FAM20C: variants seen among roughly 807,000 people sequenced by gnomAD.
The protein encoded by FAM20C is FAM20C golgi associated secretory pathway kinase.
In FAM20C, 40 loss-of-function variants were observed where a neutral mutation model predicts 51.5. The ratio of observed to expected loss-of-function variants is 0.78; its 90% CI spans 0.60 to 1.01. FAM20C has a LOEUF of 1.01. Ranked by LOEUF, FAM20C falls within the 50% of genes least tolerant of loss-of-function variation. FAM20C has a pLI of 0.00. For missense variants in FAM20C, 861 were observed against 844.7 expected (o/e 1.02, Z -0.24); for synonymous variants, 406 against 380.6 (o/e 1.07, Z -0.78).
intron 3 of FAM20C, among the ~76,000 whole-genome samples, chr7:217,082 C>G (rs1333038945): frequency 6.6e-6 from 1 of 152,166 alleles, no homozygotes; most frequent in African/African-American, 2.4e-5. Flanking sequence ...CAGATGCCTC[C>G]TCTACCGAGC....
In FAM20C at chr7:256,185, T is replaced by C. The variant is rs74203528; in HGVS notation, c.1253+156T>C. On this transcript the variant is annotated intron_variant, in intron 6 of 9. Transcript: ENST00000313766. Reference sequence around the variant, plus strand: ...CCTGTGTGAGATGACCGCTTCCTGATGAGACGGTGGCAGAGGGCGTCCTTA... The same window carrying C: ...CCTGTGTGAGATGACCGCTTCCTGACGAGACGGTGGCAGAGGGCGTCCTTA... The C allele has an allele frequency of 0.61, 593,769 of 977,986 alleles. 182,384 individuals are homozygous for C. Among genetic ancestry groups the C allele is most frequent in the African/African-American group, 0.71 (43,221 of 60,788 alleles). 60.6% of individuals were successfully genotyped at this position (977,986 alleles called of 1,614,324 possible).
intron 1 of FAM20C, 83 bp from the exon 2 acceptor site, chr7:195,471 C>T (rs1785813318): frequency 1.6e-6 from 2 of 1,288,398 alleles, no homozygotes; most frequent in South Asian, 4.2e-5. Flanking sequence ...GTTAAAAACA[C>T]TGGCGTCGGT....
intron 1 of FAM20C, 149 bp from the exon 2 acceptor site, chr7:195,405 A>T: frequency 4.9e-6 from 3 of 617,588 alleles, no homozygotes; most frequent in Non-Finnish European, 7.4e-6. Flanking sequence ...CAGACGTTGC[A>T]GGGCCCTCTT....
chr7:215,319 T>G (rs1286904841), intron 3 of FAM20C, among the ~76,000 whole-genome samples: 3 of 4,034 alleles, frequency 7.4e-4, no homozygotes, highest in African/African-American at 2.6e-3. Flanking sequence ...TGGGGCTGGG[T>G]GGGGGGGGCA....
At position 255,894 on chromosome 7, in the gene FAM20C, C is replaced by T. The variant is rs775983050; in HGVS notation, c.1118C>T (p.Thr373Met). The change falls in exon 6 of 10, where the codon ACG becomes ATG. Residue 373 changes from threonine to methionine, a missense_variant. By Grantham distance (81) the Thr-to-Met change is moderately conservative. Transcript: ENST00000313766. Reference protein sequence around the residue: ...FYGECSYYCSTEHALCGKPDQ... With the variant: ...FYGECSYYCSMEHALCGKPDQ... ...GGCGAGTGTTCCTACTACTGCTCCACGGAGCACGCCCTGTGCGGGAAGCCA... is the reference window on the plus strand; with the variant it reads ...GGCGAGTGTTCCTACTACTGCTCCATGGAGCACGCCCTGTGCGGGAAGCCA... 1.2e-5 allele frequency: 19 copies of T among 1,536,308 alleles called. No homozygotes were observed. The highest frequency in any genetic ancestry group is 8.2e-5 in the African/African-American group (6 of 73,040).
chr7:252,765 A>C (rs1263305775), intron 5 of FAM20C, among the ~76,000 whole-genome samples: 1 of 152,250 alleles, frequency 6.6e-6, no homozygotes. Flanking sequence ...GCTCAGGTTC[A>C]GAGAGGGCAA....
At chr7:240,737 C>T (rs927004360) in intron 3 of FAM20C, among the ~76,000 whole-genome samples, 5 of 152,022 alleles carry the variant, frequency 3.3e-5, no homozygotes, top group African/African-American at 1.2e-4. Context: ...CCCTGGGGCC[C>T]TCTCCCCTTG....
At chr7:205,901 G>A (rs1334418172) in intron 2 of FAM20C, among the ~76,000 whole-genome samples, 1 of 152,062 alleles carries the variant, frequency 6.6e-6, no homozygotes, top group Admixed American at 6.5e-5. Flanking sequence ...CTGAGACCTC[G>A]GTTCCTCTGG....
intron 3 of FAM20C, among the ~76,000 whole-genome samples, chr7:223,045 G>A (rs112812288): frequency 2.5e-3 from 8 of 3,170 alleles, no homozygotes; most frequent in South Asian, 0.023. Context: ...ATGTGAGGGC[G>A]TGTGTGTGCA....
intron 3 of FAM20C, 93 bp downstream of exon 3, chr7:209,069 C>T: frequency 7.6e-7 from 1 of 1,321,044 alleles, no homozygotes; most frequent in South Asian, 1.3e-5. Flanking sequence ...GTGTCTCCTC[C>T]CAGGGTGTTT....
chr7:231,282 C>A (rs73252883), intron 3 of FAM20C, among the ~76,000 whole-genome samples: 1 of 151,996 alleles, frequency 6.6e-6, no homozygotes, highest in Admixed American at 6.5e-5. Flanking sequence ...TCGGGGAGCC[C>A]GGGGTGGCCG....
chr7:215,228 TGGGGGGG>T, intron 3 of FAM20C, among the ~76,000 whole-genome samples: 1 of 80,062 alleles, frequency 1.2e-5, no homozygotes, highest in Admixed American at 1.3e-4. Context: ...AGGCTCCAGC[TGGGGGGG>T]GGAGCAGGGC....
In FAM20C at chr7:193,015, G is replaced by C. The variant is rs1785635998; in HGVS notation, c.-185G>C. On this transcript the variant is annotated 5_prime_UTR_variant, in exon 1 of 10. Transcript: ENST00000313766. The stretch of plus-strand genomic sequence containing the variant: ...AGCGGGGACGGGCCCGAGATGGCGC[G>C]GGGACCCAGCGCTCCGGCGGCGGGC... The C allele has an allele frequency of 3.7e-6, 1 of 266,676 alleles. No homozygotes were observed. Among genetic ancestry groups the C allele is most frequent in the African/African-American group, 2.3e-5 (1 of 43,498 alleles). The allele number at this position is 266,676 out of a possible 1,614,324, so 16.5% of individuals were successfully genotyped here.
Position 246,416 on chromosome 7 carries a change from C to G in FAM20C, c.865C>G (p.Gln289Glu). ...YGQALFKPMKQTREQETPPDF... is the reference protein window; with the variant it reads ...YGQALFKPMKETREQETPPDF... ...TCTGTTTCTGTCTTGTTTTCTCAGACAAACGAGGGAGCAGGAGACACCCCC... is the reference window on the plus strand; with the variant it reads ...TCTGTTTCTGTCTTGTTTTCTCAGAGAAACGAGGGAGCAGGAGACACCCCC... Residue 289 changes from glutamine to glutamate, a missense_variant and splice_region_variant, in exon 4 of 10, where the codon CAA becomes GAA. Physicochemically the swap from Gln to Glu is conservative, Grantham distance 29. This residue lies in a region of FAM20C where 561 missense variants were observed against 499.8 expected (regional missense o/e 1.12). Transcript: ENST00000313766. 1 of 1,384,524 alleles carries G rather than the reference C, an allele frequency of 7.2e-7. No homozygotes were observed. Among genetic ancestry groups the G allele is most frequent in the Non-Finnish European group, 9.4e-7 (1 of 1,063,734 alleles). The allele number at this position is 1,384,524 out of a possible 1,614,324, so 85.8% of individuals were successfully genotyped here.
intron 2 of FAM20C, among the ~76,000 whole-genome samples, chr7:201,093 G>A (rs188533604): frequency 9.0e-4 from 137 of 152,324 alleles, no homozygotes; most frequent in African/African-American, 3.0e-3. Flanking sequence ...GAGCTCTCCC[G>A]GTGTCACATT....
intron 3 of FAM20C, among the ~76,000 whole-genome samples, chr7:212,112 C>T (rs1005161812): frequency 4.6e-5 from 7 of 152,198 alleles, no homozygotes; most frequent in African/African-American, 1.7e-4. Context: ...GGTTTGCATA[C>T]GAAAGCAGCT....
chr7:211,827 G>A (rs1258650476), intron 3 of FAM20C, among the ~76,000 whole-genome samples: 2 of 152,236 alleles, frequency 1.3e-5, no homozygotes, highest in Non-Finnish European at 2.9e-5. Flanking sequence ...CCGGGACTCC[G>A]TCTTCCCACA....
At chr7:212,503 C>T (rs906478587) in intron 3 of FAM20C, among the ~76,000 whole-genome samples, 12 of 152,166 alleles carry the variant, frequency 7.9e-5, no homozygotes, top group Admixed American at 2.6e-4. Context: ...TTGCTCTCTG[C>T]GCTCATCACG....
At chr7:196,944 C>A (rs1038787927) in intron 2 of FAM20C, among the ~76,000 whole-genome samples, 1 of 152,124 alleles carries the variant, frequency 6.6e-6, no homozygotes, top group Non-Finnish European at 1.5e-5. Flanking sequence ...ACCCCTGCCC[C>A]CCTCCAGGCC....
Sources: gnomAD v4.1 joint callset for allele counts (sites outside exome capture counted in the v4.1 genomes callset) on GRCh38, gnomAD v4.1.1 for gene constraint, gnomAD v4.1.1 regional missense constraint, MANE v1.5 for transcripts, NCBI Gene and HGNC (gene_info 2026-07-23, HGNC 2026-07-21) for gene names.